ATXN7L3: variants seen among roughly 807,000 people sequenced by gnomAD.
ATXN7L3 encodes the protein ataxin-7-like protein 3.
ATXN7L3 carries 6 observed loss-of-function variants against 50.0 expected under a neutral mutation model. The ratio of observed to expected loss-of-function variants is 0.12; its 90% CI spans 0.07 to 0.24. The LOEUF is 0.24. ATXN7L3 is among the 10% of genes least tolerant of loss of function. The pLI is 1.00. For missense variants in ATXN7L3, 322 were observed against 451.3 expected (o/e 0.71, Z 2.60); for synonymous variants, 198 against 165.8 (o/e 1.19, Z -1.49).
chr17:44,199,620 C>A lies in ATXN7L3; in HGVS notation c.-185G>T. The A allele has an allele frequency of 6.8e-6, 1 of 146,284 alleles. No individual in the cohort carries two copies. The highest frequency in any genetic ancestry group is 2.1e-4 in the South Asian group (1 of 4,804). 9.1% of individuals were successfully genotyped at this position (146,284 alleles called of 1,614,324 possible). ...TCCGTCCTCGCCTCTCCCCGGGGCC[C>A]AGGGCCCGGGGCCGGGGGGTCGGGC... is the stretch of plus-strand genomic sequence containing the variant. On this transcript the variant is annotated 5_prime_UTR_variant, in exon 1 of 13. Coordinates refer to ENST00000587097, the MANE Select transcript of ATXN7L3 (RefSeq NM_001382309.1).
chr17:44,198,191 T>C (rs2055992913), intron 1 of ATXN7L3, 61 bp from the exon 2 acceptor site: 2 of 909,816 alleles, frequency 2.2e-6, no homozygotes, highest in Non-Finnish European at 3.5e-6. Flanking sequence ...TGCGGCCACC[T>C]TCCCTCCCCA....
rs1196248359 is a variant in ATXN7L3 at position 44,193,529 on chromosome 17, C to G, written c.*734G>C. 6.6e-6 allele frequency: 1 copy of G among 152,594 alleles called. No individual in the cohort carries two copies. Among genetic ancestry groups the G allele is most frequent in the African/African-American group, 2.4e-5 (1 of 41,454 alleles). 9.5% of individuals were successfully genotyped at this position (152,594 alleles called of 1,614,324 possible). A position where few individuals can be genotyped will look rare whatever the true frequency, so the allele number is the denominator to read the frequency against. On this transcript the variant is annotated 3_prime_UTR_variant, in exon 13 of 13. Coordinates refer to ENST00000587097, the MANE Select transcript of ATXN7L3 (RefSeq NM_001382309.1). ...GGGGGAGGAATTCTGACACTTCTCCCTCTTCCTACCCTCCCTTTCCCATTC... is the reference window on the plus strand; with the variant it reads ...GGGGGAGGAATTCTGACACTTCTCCGTCTTCCTACCCTCCCTTTCCCATTC...
At chr17:44,198,391 G>C in intron 1 of ATXN7L3, 1 of 339,372 alleles carries the variant, frequency 2.9e-6, no homozygotes, top group Non-Finnish European at 5.3e-6. Context: ...CTCACCCTAG[G>C]TCCCCAAAAC....
chr17:44,196,461 T>G, intron 5 of ATXN7L3, 43 bp from the exon 6 acceptor site: 12 of 1,613,116 alleles, frequency 7.4e-6, no homozygotes, highest in Non-Finnish European at 1.0e-5. Flanking sequence ...TCCGTTAAGT[T>G]CTCAATCTAA....
chr17:44,195,680 A>G, intron 8 of ATXN7L3, 120 bp downstream of exon 8: 1 of 1,259,880 alleles, frequency 7.9e-7, no homozygotes, highest in Admixed American at 1.9e-5. Flanking sequence ...ATAAATATGT[A>G]AGATCCAAAT....
intron 10 of ATXN7L3, 64 bp downstream of exon 10, chr17:44,195,033 C>G: frequency 6.3e-7 from 1 of 1,588,710 alleles, no homozygotes; most frequent in Non-Finnish European, 8.6e-7. Flanking sequence ...AGGGGTACTC[C>G]CAACCCATGC....
rs2055964140 is a variant in ATXN7L3 at position 44,197,720 on chromosome 17, T to C, written c.62A>G (p.Gln21Arg). Residue 21 changes from glutamine (Q) to arginine (R), a missense_variant, in exon 3 of 13, where the codon CAG (glutamine) becomes CGG (arginine). Transcript: ENST00000587097. ...CTCGACCAGGTCCGCGTATATCTCC[T>C]GAGCGATGGCCTGGGCCCCAGGGGA... is the stretch of plus-strand genomic sequence containing the variant. ...LDNSKLEAIA[Q>R]EIYADLVEDS... The C allele has an allele frequency of 1.2e-6, 2 of 1,614,272 alleles. No homozygotes were observed. The highest frequency in any genetic ancestry group is 8.5e-7 in the Non-Finnish European group (1 of 1,180,048).
chr17:44,194,464 G>A (rs750874553), intron 12 of ATXN7L3, 53 bp from the exon 13 acceptor site: 2 of 1,612,814 alleles, frequency 1.2e-6, no homozygotes, highest in Non-Finnish European at 1.7e-6. Context: ...AGGAGAGGTG[G>A]CACCCCCATG....
intron 1 of ATXN7L3, 85 bp downstream of exon 1, chr17:44,199,411 G>T (rs1354450949): frequency 6.1e-5 from 9 of 148,658 alleles, no homozygotes; most frequent in Admixed American, 1.3e-4. Flanking sequence ...TGGGGGGAGG[G>T]GGCCCAAGCC....
Position 44,194,086 on chromosome 17 carries a change from C to T in ATXN7L3, c.*177G>A, listed in dbSNP as rs1005557066. On this transcript the variant is annotated 3_prime_UTR_variant, in exon 13 of 13. Coordinates refer to ENST00000587097, the MANE Select transcript of ATXN7L3 (RefSeq NM_001382309.1). ...TCCTGCACGCCGAGGAGTCGTGCTC[C>T]ATTGCAGAGGACTTTGACACCCCCC... 2.6e-6 allele frequency: 2 copies of T among 757,610 alleles called. No homozygotes were observed. The highest frequency in any genetic ancestry group is 1.8e-5 in the South Asian group (1 of 56,664). 46.9% of individuals were successfully genotyped at this position (757,610 alleles called of 1,614,324 possible). A position where few individuals can be genotyped will look rare whatever the true frequency, so the allele number is the denominator to read the frequency against.
At chr17:44,194,931 G>A in intron 10 of ATXN7L3, 92 bp from the exon 11 acceptor site, 1 of 1,515,950 alleles carries the variant, frequency 6.6e-7, no homozygotes, top group Non-Finnish European at 9.1e-7. Flanking sequence ...AGACAGGGAA[G>A]GGGTGAATGC....
rs1328798939 is a variant in ATXN7L3 at position 44,194,352 on chromosome 17, C to G, written c.955G>C (p.Gly319Arg). The G allele has an allele frequency of 1.2e-6, 2 of 1,614,246 alleles. No individual in the cohort carries two copies. Among genetic ancestry groups the G allele is most frequent in the Non-Finnish European group, 1.7e-6 (2 of 1,180,050 alleles). ...KKKKSHLSLV[G>R]TASGLGSNKK... is the part of the protein sequence containing the mutation. ...TTGGAACCTAGGCCGGAGGCAGTCC[C>G]TACCAGGCTCAGATGGGATTTCTTT... Residue 319 changes from glycine to arginine, a missense_variant, in exon 13 of 13, where the codon GGG becomes CGG. Transcript: ENST00000587097.
chr17:44,193,219 C>T lies in ATXN7L3; in HGVS notation c.*1044G>A, dbSNP rs375679829. 6.6e-6 allele frequency: 1 copy of T among 152,202 alleles called. No homozygotes were observed. The highest frequency in any genetic ancestry group is 1.5e-5 in the Non-Finnish European group (1 of 68,090). The allele number at this position is 152,202 out of a possible 1,614,324, so 9.4% of individuals were successfully genotyped here. ...AAGTACAGAATAAATAACTTAAAAGCGCTAAGGAAGGGAAACAGGGCACGC... is the reference window on the plus strand; with the variant it reads ...AAGTACAGAATAAATAACTTAAAAGTGCTAAGGAAGGGAAACAGGGCACGC... On this transcript the variant is annotated 3_prime_UTR_variant, in exon 13 of 13. Transcript: ENST00000587097.
Position 44,194,154 on chromosome 17 carries a change from C to T in ATXN7L3, c.*109G>A. The T allele has an allele frequency of 6.9e-7, 1 of 1,444,602 alleles. No homozygotes were observed. The highest frequency in any genetic ancestry group is 9.3e-7 in the Non-Finnish European group (1 of 1,073,014). The allele number at this position is 1,444,602 out of a possible 1,614,324, so 89.5% of individuals were successfully genotyped here. The stretch of plus-strand genomic sequence containing the variant: ...TCCTCTGCCTGCCTGGCCCACCAAG[C>T]TTCCCAAGCCCCAACCCCCAGCAGC... On this transcript the variant is annotated 3_prime_UTR_variant, in exon 13 of 13. Transcript: ENST00000587097.
intron 4 of ATXN7L3, 39 bp downstream of exon 4, chr17:44,197,189 G>A (rs372430274): frequency 6.4e-7 from 1 of 1,574,490 alleles, no homozygotes; most frequent in Non-Finnish European, 8.6e-7. Flanking sequence ...CTACACCATG[G>A]CACAGGCTGC....
At position 44,197,689 on chromosome 17, in the gene ATXN7L3, A is replaced by G. The variant is rs765205991; in HGVS notation, c.93T>C (p.Ser31=). ...GTACCTCAAAGCAGAATCCCAAACA[A>G]GAATCCTCGACCAGGTCCGCGTATA... ...QEIYADLVED[S]CLGFCFEVHR... The change falls in exon 3 of 13, where the codon TCT becomes TCC. Residue 31 remains serine (S), a synonymous_variant. Transcript: ENST00000587097. The G allele has an allele frequency of 7.4e-6, 12 of 1,614,152 alleles. No homozygotes were observed. In the South Asian group the frequency reaches 1.1e-4, roughly 15 times the overall value.
Position 44,199,809 on chromosome 17 carries a change from G to T in ATXN7L3, c.-374C>A, listed in dbSNP as rs1351695818. On this transcript the variant is annotated 5_prime_UTR_variant, in exon 1 of 13. Transcript: ENST00000587097. The stretch of plus-strand genomic sequence containing the variant: ...CCACTCCAGCCCGCCTCTCCCGGGC[G>T]GGGGGTGCGGCGCGAGCCCGGAGCG... 2 of 146,798 alleles carry T rather than the reference G, an allele frequency of 1.4e-5. No homozygotes were observed. Among genetic ancestry groups the T allele is most frequent in the East Asian group, 4.1e-4 (2 of 4,872 alleles). The allele number at this position is 146,798 out of a possible 1,614,324, so 9.1% of individuals were successfully genotyped here.
In ATXN7L3 at chr17:44,195,434, G is replaced by A; in HGVS notation, c.606C>T (p.Arg202=). Residue 202 remains arginine (R), a synonymous_variant, in exon 9 of 13, where the codon CGC becomes CGT. Transcript: ENST00000587097. ...SYETLGPEEL[R]SLLTTQCGVI... The stretch of plus-strand genomic sequence containing the variant: ...CCTCCCTCACCGTGGTTAGCAGGCT[G>A]CGAAGCTCCTCCGGCCCCAGGGTCT... 6.2e-7 allele frequency: 1 copy of A among 1,614,084 alleles called. No homozygotes were observed.
rs1398010001 is a variant in ATXN7L3 at position 44,194,068 on chromosome 17, C to T, written c.*195G>A. On this transcript the variant is annotated 3_prime_UTR_variant, in exon 13 of 13. Coordinates refer to ENST00000587097, the MANE Select transcript of ATXN7L3 (RefSeq NM_001382309.1). The stretch of plus-strand genomic sequence containing the variant: ...AATATGTCCAGGTCTGAGTCCTGCA[C>T]GCCGAGGAGTCGTGCTCCATTGCAG... The T allele has an allele frequency of 6.0e-6, 4 of 667,846 alleles. No individual in the cohort carries two copies. Among genetic ancestry groups the T allele is most frequent in the Non-Finnish European group, 1.0e-5 (4 of 396,506 alleles). 41.4% of individuals were successfully genotyped at this position (667,846 alleles called of 1,614,324 possible).
Sources: gnomAD v4.1 joint callset for allele counts on GRCh38, gnomAD v4.1.1 for gene constraint, MANE v1.5 for transcripts, NCBI Gene and HGNC (gene_info 2026-07-23, HGNC 2026-07-21) for gene names.